Variants in LTBP1 observed in about 807,000 individuals in gnomAD.
The protein encoded by LTBP1 is latent transforming growth factor beta binding protein 1, also known as latent-transforming growth factor beta-binding protein 1.
LTBP1 carries 129 observed loss-of-function variants against 207.6 expected under a neutral mutation model. The observed-to-expected ratio is 0.62, with a 90% CI of 0.54 to 0.72. The LOEUF (loss-of-function observed/expected upper bound fraction) is 0.72. Ranked by LOEUF, LTBP1 falls within the 30% of genes least tolerant of loss-of-function variation. The pLI is 0.00. For missense variants in LTBP1, 2,281 were observed against 2,217.2 expected (o/e 1.03, Z -0.58); for synonymous variants, 963 against 833.7 (o/e 1.16, Z -2.67).
intron 2 of LTBP1, among the ~76,000 whole-genome samples, chr2:32,976,686 C>G (rs996825992): frequency 6.6e-6 from 1 of 152,132 alleles, no homozygotes; most frequent in Non-Finnish European, 1.5e-5. Context: ...GTTAGGAGTT[C>G]TGGTTCATGA....
At chr2:33,170,443 G>A (rs1419399895) in intron 5 of LTBP1, among the ~76,000 whole-genome samples, 1 of 152,220 alleles carries the variant, frequency 6.6e-6, no homozygotes, top group East Asian at 1.9e-4. Flanking sequence ...GCCGCGGCCA[G>A]GCTGGGGGAG....
intron 11 of LTBP1, among the ~76,000 whole-genome samples, chr2:33,254,869 T>G (rs1284154731): frequency 3.2e-5 from 4 of 123,416 alleles, no homozygotes; most frequent in South Asian, 3.0e-4. Flanking sequence ...TTTTTTTTTT[T>G]TTTTTTTTTT....
At chr2:33,144,183 T>C (rs2082842716) in intron 5 of LTBP1, among the ~76,000 whole-genome samples, 1 of 152,116 alleles carries the variant, frequency 6.6e-6, no homozygotes, top group African/African-American at 2.4e-5. Context: ...GTGGTTGCTT[T>C]ATTTACTGAT....
chr2:33,125,259 C>T (rs1396032193), intron 4 of LTBP1, among the ~76,000 whole-genome samples: 1 of 152,212 alleles, frequency 6.6e-6, no homozygotes, highest in African/African-American at 2.4e-5. Flanking sequence ...AGCAGAATGA[C>T]CGTGGTCAAG....
At chr2:33,197,491 A>C (rs941374203) in intron 7 of LTBP1, among the ~76,000 whole-genome samples, 1 of 152,240 alleles carries the variant, frequency 6.6e-6, no homozygotes, top group Non-Finnish European at 1.5e-5. Context: ...GCCAAGTTTC[A>C]GAAAATACCC....
intron 3 of LTBP1, among the ~76,000 whole-genome samples, chr2:33,080,696 G>A (rs2078343221): frequency 6.6e-6 from 1 of 152,054 alleles, no homozygotes; most frequent in African/African-American, 2.4e-5. Context: ...AGTTACTGAG[G>A]CACTGTGTAC....
At chr2:32,997,947 A>G (rs1358265530) in intron 2 of LTBP1, among the ~76,000 whole-genome samples, 1 of 152,116 alleles carries the variant, frequency 6.6e-6, no homozygotes, top group Non-Finnish European at 1.5e-5. Context: ...TTTATGAGAA[A>G]GTGTTGTAGG....
At chr2:33,259,711 C>G in intron 13 of LTBP1, 101 bp downstream of exon 13, 1 of 1,062,558 alleles carries the variant, frequency 9.4e-7, no homozygotes, top group East Asian at 2.5e-5. Flanking sequence ...AGTAACATCT[C>G]TATTATGCAT....
chr2:33,065,325 A>G (rs1361347018), intron 3 of LTBP1, among the ~76,000 whole-genome samples: 1 of 152,308 alleles, frequency 6.6e-6, no homozygotes, highest in East Asian at 1.9e-4. Context: ...AGGCTGAGGC[A>G]GGAAGATCAC....
chr2:33,068,751 G>A, intron 3 of LTBP1, among the ~76,000 whole-genome samples: 1 of 152,106 alleles, frequency 6.6e-6, no homozygotes. Context: ...TTCACATTAG[G>A]AGGCTTATAT....
At chr2:33,286,334 A>G (rs942325959) in intron 19 of LTBP1, among the ~76,000 whole-genome samples, 1 of 152,244 alleles carries the variant, frequency 6.6e-6, no homozygotes, top group Non-Finnish European at 1.5e-5. Flanking sequence ...AGAGAACTTG[A>G]AGAATAAACT....
At chr2:32,956,744 C>T (rs547665915) in intron 2 of LTBP1, among the ~76,000 whole-genome samples, 2 of 152,296 alleles carry the variant, frequency 1.3e-5, no homozygotes, top group African/African-American at 4.8e-5. Flanking sequence ...ATTTACTTTG[C>T]CCAAATCCAT....
chr2:33,103,958 A>C (rs2079906689), intron 3 of LTBP1, among the ~76,000 whole-genome samples: 2 of 151,824 alleles, frequency 1.3e-5, no homozygotes, highest in African/African-American at 4.8e-5. Flanking sequence ...AAAACTAAGG[A>C]CCCTCAACAC....
intron 3 of LTBP1, among the ~76,000 whole-genome samples, chr2:33,078,857 CTTTTCTTT>C (rs1219086816): frequency 2.2e-5 from 2 of 92,158 alleles, no homozygotes; most frequent in South Asian, 4.7e-4. Flanking sequence ...CTTTTCTTTT[CTTTTCTTT>C]TTTTTTTTTT....
At chr2:33,112,514 A>G (rs573867342) in intron 4 of LTBP1, among the ~76,000 whole-genome samples, 1 of 151,434 alleles carries the variant, frequency 6.6e-6, no homozygotes, top group African/African-American at 2.4e-5. Context: ...TCTCTGCTCA[A>G]ACCCCCTAAA....
intron 2 of LTBP1, among the ~76,000 whole-genome samples, chr2:33,007,905 A>G (rs935106683): frequency 3.3e-5 from 5 of 152,232 alleles, no homozygotes; most frequent in Admixed American, 2.6e-4. Context: ...TAAAAAGATA[A>G]TAGAAACAAG....
chr2:33,193,777 A>G (rs900094026), intron 7 of LTBP1, among the ~76,000 whole-genome samples: 12 of 152,176 alleles, frequency 7.9e-5, no homozygotes, highest in African/African-American at 2.4e-4. Flanking sequence ...ACAAACCACA[A>G]CCATATAAGA....
At chr2:33,309,807 T>C (rs1453279314) in intron 23 of LTBP1, among the ~76,000 whole-genome samples, 1 of 152,238 alleles carries the variant, frequency 6.6e-6, no homozygotes, top group African/African-American at 2.4e-5. Context: ...ACCTGTACTT[T>C]ACTGTTTATT....
At chr2:33,336,928 A>G (rs2094559930) in intron 24 of LTBP1, among the ~76,000 whole-genome samples, 1 of 152,216 alleles carries the variant, frequency 6.6e-6, no homozygotes, top group Non-Finnish European at 1.5e-5. Context: ...ACAGATACAC[A>G]TAGACTTTTC....
Sources: gnomAD v4.1 joint callset for allele counts (sites outside exome capture counted in the v4.1 genomes callset) on GRCh38, gnomAD v4.1.1 for gene constraint, MANE v1.5 for transcripts, NCBI Gene and HGNC (gene_info 2026-07-23, HGNC 2026-07-21) for gene names.